Variants in DSCAM observed in about 807,000 individuals in gnomAD.
DSCAM encodes the protein cell adhesion molecule DSCAM.
In DSCAM, 47 loss-of-function variants were observed where a neutral mutation model predicts 217.7. The observed-to-expected ratio is 0.22, with a 90% CI of 0.17 to 0.28. DSCAM has a LOEUF of 0.28. Among genes scored for constraint, DSCAM ranks in the 10% least tolerant of loss-of-function variants. The pLI is 1.00. For missense variants in DSCAM, 2,080 were observed against 2,618.3 expected (o/e 0.79, Z 4.49); for synonymous variants, 1,056 against 1,015.3 (o/e 1.04, Z -0.76).
chr21:40,363,489 G>A (rs1425313150), intron 4 of DSCAM, among the ~76,000 whole-genome samples: 1 of 151,992 alleles, frequency 6.6e-6, no homozygotes, highest in African/African-American at 2.4e-5. Context: ...CTGACCTCAA[G>A]TGGTCTGCCT....
chr21:40,625,216 A>G (rs185228998), intron 3 of DSCAM, among the ~76,000 whole-genome samples: 2 of 152,346 alleles, frequency 1.3e-5, no homozygotes, highest in Admixed American at 6.5e-5. Flanking sequence ...CAAAATTAAT[A>G]TAAGAGTAAG....
In DSCAM at chr21:40,083,898, A is replaced by C; in HGVS notation, c.4231+10T>G. Reference sequence around the variant, plus strand: ...TAATCAACTATTGTGGACAATCTATATCTTATTACCTCTGATAGAGCTGCC... The same window carrying C: ...TAATCAACTATTGTGGACAATCTATCTCTTATTACCTCTGATAGAGCTGCC... On this transcript the variant is annotated intron_variant, in intron 24 of 32. Coordinates refer to ENST00000400454, the MANE Select transcript of DSCAM (RefSeq NM_001389.5). The C allele has an allele frequency of 6.2e-7, 1 of 1,602,330 alleles. No homozygotes were observed.
intron 3 of DSCAM, among the ~76,000 whole-genome samples, chr21:40,687,552 C>G (rs900355937): frequency 1.3e-5 from 2 of 152,046 alleles, no homozygotes; most frequent in Non-Finnish European, 2.9e-5. Context: ...TGTGCTAGCT[C>G]TCCCTCCCTC....
chr21:40,719,139 C>T (rs991020652), intron 1 of DSCAM, among the ~76,000 whole-genome samples: 4 of 152,150 alleles, frequency 2.6e-5, no homozygotes, highest in African/African-American at 9.7e-5. Flanking sequence ...CACACACACA[C>T]ACACACAAGG....
chr21:40,051,996 C>T lies in DSCAM; in HGVS notation c.5147G>A (p.Gly1716Glu). ...VHYQSVSQAT[G>E]PLVDVSDARP... ...AGCGTCTGAAACATCCACTAAGGGC[C>T]CAGTGGCCTGAGACACCGATTGGTA... Residue 1716 changes from glycine (G) to glutamate (E), a missense_variant, in exon 30 of 33, where the codon GGG becomes GAG. Around this residue, in one of 5 missense-constraint regions of DSCAM, gnomAD observed 1,144 missense variants for 1,421.1 expected, o/e 0.81. Transcript: ENST00000400454. The T allele has an allele frequency of 6.2e-7, 1 of 1,613,740 alleles. No individual in the cohort carries two copies. Among genetic ancestry groups the T allele is most frequent in the Non-Finnish European group, 8.5e-7 (1 of 1,179,886 alleles).
chr21:40,228,659 T>C (rs1320253456), intron 11 of DSCAM, among the ~76,000 whole-genome samples: 1 of 150,168 alleles, frequency 6.7e-6, no homozygotes, highest in African/African-American at 2.5e-5. Context: ...TTTTTTTTTC[T>C]TGGTACTTCT....
chr21:40,075,256 G>A (rs571698223), intron 26 of DSCAM, 43 bp from the exon 27 acceptor site: 86 of 1,603,680 alleles, frequency 5.4e-5, no homozygotes, highest in African/African-American at 1.6e-4. Flanking sequence ...TAATGAAGAC[G>A]GCATGGCGGA....
chr21:40,376,814 AT>A (rs1459036970), intron 3 of DSCAM, among the ~76,000 whole-genome samples: 1 of 151,730 alleles, frequency 6.6e-6, no homozygotes, highest in Non-Finnish European at 1.5e-5. Flanking sequence ...AAATATGCAC[AT>A]GTTGAAAGCT....
intron 1 of DSCAM, among the ~76,000 whole-genome samples, chr21:40,740,760 G>A (rs2050718529): frequency 6.6e-6 from 1 of 152,202 alleles, no homozygotes; most frequent in African/African-American, 2.4e-5. Flanking sequence ...AGGATGGCAA[G>A]TGTGAAGTGA....
rs137906591 is a variant in DSCAM at position 40,227,529 on chromosome 21, A to T, written c.2357-38291T>A. ...GCAGCTGTCTCAAGTTCTTCCCATG[A>T]TATTTCTCAGAATTTGAAATGTGAT... On this transcript the variant is annotated intron_variant, in intron 11 of 32. Transcript: ENST00000400454. Among the ~76,000 whole-genome samples, 8 of 152,254 alleles carry T rather than the reference A, an allele frequency of 5.3e-5. No homozygotes were observed. In the East Asian group the frequency reaches 1.5e-3, roughly 29 times the overall value.
At chr21:40,186,987 T>G in intron 14 of DSCAM, 144 bp downstream of exon 14, 1 of 1,006,752 alleles carries the variant, frequency 9.9e-7, no homozygotes, top group Non-Finnish European at 1.4e-6. Flanking sequence ...CAGGATGTGC[T>G]TCCAGCAAGG....
rs1601665146 is a variant in DSCAM, at chr21:40,466,396, A to G, written c.509-97151T>C. Reference sequence around the variant, plus strand: ...ATCCACGTAGCCCCAGGGTTACAGCACTGGAAGAGACCATGTACTTTAGAC... The same window carrying G: ...ATCCACGTAGCCCCAGGGTTACAGCGCTGGAAGAGACCATGTACTTTAGAC... On this transcript the variant is annotated intron_variant, in intron 3 of 32. Transcript: ENST00000400454. 2.0e-5 allele frequency among the ~76,000 whole-genome samples: 3 copies of G among 152,264 alleles called. No homozygotes were observed. In the South Asian group the frequency reaches 6.2e-4, roughly 32 times the overall value.
At chr21:40,695,364 C>T (rs888414651) in intron 2 of DSCAM, among the ~76,000 whole-genome samples, 8 of 152,068 alleles carry the variant, frequency 5.3e-5, no homozygotes, top group Admixed American at 4.6e-4. Context: ...CCTAGGAAAC[C>T]CCTCAGTCCC....
chr21:40,247,004 G>A (rs1399423491), intron 11 of DSCAM, among the ~76,000 whole-genome samples: 1 of 152,132 alleles, frequency 6.6e-6, no homozygotes, highest in Non-Finnish European at 1.5e-5. Context: ...CTTCTTACAT[G>A]GTGGCAGCAA....
intron 3 of DSCAM, among the ~76,000 whole-genome samples, chr21:40,491,381 T>C (rs1243254509): frequency 2.0e-5 from 3 of 152,134 alleles, no homozygotes; most frequent in Non-Finnish European, 2.9e-5. Context: ...GATTCTCTTA[T>C]TGTCAAGCAT....
intron 3 of DSCAM, among the ~76,000 whole-genome samples, chr21:40,668,408 T>C (rs1456641359): frequency 6.6e-6 from 1 of 152,178 alleles, no homozygotes; most frequent in Non-Finnish European, 1.5e-5. Context: ...TTTCAAAATA[T>C]GAATGCTGGA....
intron 3 of DSCAM, among the ~76,000 whole-genome samples, chr21:40,527,920 T>C (rs1453641583): frequency 1.3e-5 from 2 of 152,180 alleles, no homozygotes; most frequent in South Asian, 2.1e-4. Flanking sequence ...CAGGAGCGGA[T>C]GCTCTAATCA....
At chr21:40,067,292 C>G (rs1399326389) in intron 27 of DSCAM, among the ~76,000 whole-genome samples, 1 of 152,194 alleles carries the variant, frequency 6.6e-6, no homozygotes, top group Admixed American at 6.5e-5. Context: ...TAAGTTGAAC[C>G]ATAGTAAGTC....
chr21:40,143,469 C>T (rs2090316484), intron 17 of DSCAM, among the ~76,000 whole-genome samples: 1 of 152,186 alleles, frequency 6.6e-6, no homozygotes, highest in African/African-American at 2.4e-5. Context: ...TCAGATATTA[C>T]AGGTGCAAGT....
Sources: allele counts gnomAD v4.1 joint callset (sites outside exome capture counted in the v4.1 genomes callset), GRCh38; gene constraint gnomAD v4.1.1; regional missense constraint gnomAD v4.1.1; transcripts MANE v1.5; gene names NCBI Gene and HGNC (gene_info 2026-07-23, HGNC 2026-07-21).